The following PPARD variants were observed in gnomAD, a reference collection of about 807,000 sequenced individuals.
PPARD encodes peroxisome proliferator activated receptor delta, also known as peroxisome proliferator-activated receptor delta.
A neutral mutation model predicts 39.5 loss-of-function variants in PPARD; 6 were observed. The observed-to-expected ratio is 0.15, with a 90% CI of 0.08 to 0.30. PPARD has a LOEUF of 0.30. PPARD is among the 10% of genes least tolerant of loss of function. The pLI is 1.00. For missense variants in PPARD, 397 were observed against 596.8 expected, an observed-to-expected ratio of 0.67 and a Z score of 3.49; for synonymous variants, 210 against 231.3, an observed-to-expected ratio of 0.91 and a Z score of 0.83.
chr6:35,411,676 G>A (rs753389002), intron 3 of PPARD, among the ~76,000 whole-genome samples: 21 of 152,104 alleles, frequency 1.4e-4, no homozygotes, highest in Non-Finnish European at 2.9e-4. Context: ...TCATTGAGCC[G>A]TATCATAATT....
chr6:35,352,158 A>G (rs565026918), intron 2 of PPARD, among the ~76,000 whole-genome samples: 3 of 152,022 alleles, frequency 2.0e-5, no homozygotes, highest in Non-Finnish European at 4.4e-5. Context: ...GGCATGAGCC[A>G]CTGTGCCCAG....
At chr6:35,420,819 CTTTTTTTT>C (rs35852986) in intron 4 of PPARD, among the ~76,000 whole-genome samples, 4 of 85,708 alleles carry the variant, frequency 4.7e-5, no homozygotes, top group Non-Finnish European at 8.5e-5. Context: ...AACAAAGAAG[CTTTTTTTT>C]TTTTTTTTTT....
intron 2 of PPARD, among the ~76,000 whole-genome samples, chr6:35,396,019 G>C (rs1007041594): frequency 6.6e-6 from 1 of 152,004 alleles, no homozygotes; most frequent in African/African-American, 2.4e-5. Flanking sequence ...AGTTGTAGAA[G>C]GTCTTCTGCA....
At chr6:35,410,841 CATGGT>C in intron 2 of PPARD, 141 bp from the exon 3 acceptor site, 6 of 1,049,972 alleles carry the variant, frequency 5.7e-6, no homozygotes, top group Non-Finnish European at 7.3e-6. Context: ...GAGCAGAGAC[CATGGT>C]ATAGCACTGC....
At chr6:35,390,823 G>C (rs879649524) in intron 2 of PPARD, among the ~76,000 whole-genome samples, 4 of 152,140 alleles carry the variant, frequency 2.6e-5, no homozygotes, top group Non-Finnish European at 5.9e-5. Flanking sequence ...AGGAGTTTGA[G>C]ACCAGCCTGT....
In PPARD at chr6:35,390,796, G is replaced by A. The variant is rs181674687; in HGVS notation, c.-101-20191G>A. ...CCAGCACTTTGAGAGGCCAAGGCAG[G>A]AGGATGGCTTGAGCTCAGGAGTTTG... On this transcript the variant is annotated intron_variant, in intron 2 of 7. Transcript: ENST00000360694. 3.0e-3 allele frequency among the ~76,000 whole-genome samples: 452 copies of A among 152,306 alleles called. 4 individuals carry two copies. The highest frequency in any genetic ancestry group is 0.01 in the African/African-American group (432 of 41,552).
At chr6:35,413,839 G>A (rs1287171212) in intron 3 of PPARD, among the ~76,000 whole-genome samples, 4 of 151,850 alleles carry the variant, frequency 2.6e-5, no homozygotes, top group Admixed American at 6.6e-5. Context: ...GTGCACCACC[G>A]TGCCTGGCTA....
At chr6:35,395,071 T>C (rs6457816) in intron 2 of PPARD, among the ~76,000 whole-genome samples, 33,397 of 152,054 alleles carry the variant, frequency 0.22, 7,778 homozygotes, top group African/African-American at 0.59. Flanking sequence ...GTAGCCCACT[T>C]GCTGTCTTCG....
intron 2 of PPARD, among the ~76,000 whole-genome samples, chr6:35,405,772 G>A (rs1310066274): frequency 6.6e-6 from 1 of 151,512 alleles, no homozygotes; most frequent in Non-Finnish European, 1.5e-5. Context: ...TGGGATTACA[G>A]GCGTGCGCCA....
chr6:35,373,064 A>T (rs1762589795), intron 2 of PPARD, among the ~76,000 whole-genome samples: 2 of 152,138 alleles, frequency 1.3e-5, no homozygotes, highest in South Asian at 4.1e-4. Context: ...TCCAGAGGGG[A>T]TGAATGCTGT....
chr6:35,425,267 C>T lies in PPARD; in HGVS notation c.1078+488C>T, dbSNP rs201157588. The T allele has an allele frequency of 3.4e-4, 340 of 1,000,820 alleles. 3 individuals are homozygous for T. In the South Asian group the frequency reaches 8.3e-3, roughly 25 times the overall value. 62.0% of individuals were successfully genotyped at this position (1,000,820 alleles called of 1,614,324 possible). Reference sequence around the variant, plus strand: ...CCAGCCTGGGTGACAGAGTGAGACCCTGTCTCAAAAAAAAGGAAAAGGACT... The same window carrying T: ...CCAGCCTGGGTGACAGAGTGAGACCTTGTCTCAAAAAAAAGGAAAAGGACT... On this transcript the variant is annotated intron_variant, in intron 7 of 7. Transcript: ENST00000360694. This position sits in a 1 kb window ranked among gnomAD's most constrained non-coding sequence, Gnocchi z 4.5.
At chr6:35,367,695 G>GT (rs1181312914) in intron 2 of PPARD, among the ~76,000 whole-genome samples, 20 of 152,356 alleles carry the variant, frequency 1.3e-4, no homozygotes, top group African/African-American at 4.6e-4. Flanking sequence ...ATTTGTCTGT[G>GT]TTTAGCTGCA....
At chr6:35,398,281 T>C (rs1764473607) in intron 2 of PPARD, among the ~76,000 whole-genome samples, 1 of 151,962 alleles carries the variant, frequency 6.6e-6, no homozygotes, top group Admixed American at 6.6e-5. Context: ...AGGCAGGAGA[T>C]GGTGTTGGCT....
intron 2 of PPARD, among the ~76,000 whole-genome samples, chr6:35,368,340 G>A (rs1762309726): frequency 6.6e-6 from 1 of 152,200 alleles, no homozygotes; most frequent in Admixed American, 6.5e-5. Context: ...GTGCTCACTG[G>A]GTGGGATTCC....
chr6:35,355,594 TC>T lies in PPARD; in HGVS notation c.-102+8445del, dbSNP rs1230740369. Among the ~76,000 whole-genome samples the T allele has an allele frequency of 9.1e-3, 942 of 104,038 alleles. 14 individuals carry two copies. The highest frequency in any genetic ancestry group is 0.031 in the African/African-American group (511 of 16,670). 68.3% of individuals were successfully genotyped at this position (104,038 alleles called of 152,430 possible). ...AAAAAAAAAAGTGCTTTCTTCTTCTTCTTCTTTTTTTTTTTTTTTTTTTTTT... is the reference window on the plus strand; with the variant it reads ...AAAAAAAAAAGTGCTTTCTTCTTCTTTTCTTTTTTTTTTTTTTTTTTTTTT... On this transcript the variant is annotated intron_variant, in intron 2 of 7. Transcript: ENST00000360694.
At chr6:35,369,688 G>A (rs1762383300) in intron 2 of PPARD, among the ~76,000 whole-genome samples, 1 of 152,206 alleles carries the variant, frequency 6.6e-6, no homozygotes, top group African/African-American at 2.4e-5. Flanking sequence ...TAATAGCAGA[G>A]CGGTATTCAT....
intron 2 of PPARD, among the ~76,000 whole-genome samples, chr6:35,378,304 G>A (rs1316199484): frequency 6.6e-6 from 1 of 152,192 alleles, no homozygotes; most frequent in African/African-American, 2.4e-5. Flanking sequence ...TTCTCTGGCT[G>A]AGTAGAGGCA....
intron 2 of PPARD, among the ~76,000 whole-genome samples, chr6:35,349,463 T>C (rs1446352330): frequency 6.6e-6 from 1 of 152,140 alleles, no homozygotes; most frequent in Non-Finnish European, 1.5e-5. Flanking sequence ...CTAACAATAG[T>C]GATGAGCTAA....
intron 2 of PPARD, among the ~76,000 whole-genome samples, chr6:35,351,644 T>G (rs1761257374): frequency 6.6e-6 from 1 of 151,842 alleles, no homozygotes. Flanking sequence ...GCCTCCAACT[T>G]CTGGGCTCAA....
Sources: allele counts gnomAD v4.1 joint callset (sites outside exome capture counted in the v4.1 genomes callset), GRCh38; gene constraint gnomAD v4.1.1; non-coding constraint Gnocchi (gnomAD v3.1); transcripts MANE v1.5; gene names NCBI Gene and HGNC (gene_info 2026-07-23, HGNC 2026-07-21).